The following PAAF1 variants were observed in gnomAD, a reference collection of about 807,000 sequenced individuals.
PAAF1 encodes proteasomal ATPase associated factor 1.
Under a neutral mutation model 52.8 loss-of-function variants are expected in PAAF1, and 46 were observed. The ratio of observed to expected loss-of-function variants is 0.87; its 90% CI spans 0.69 to 1.11. The LOEUF is 1.11. Ranked by LOEUF, PAAF1 falls within the 50% of genes most tolerant of loss-of-function variation. The probability of loss-of-function intolerance (pLI) is 0.00; values close to 1 mark genes in which losing one functional copy is unlikely to be tolerated. For missense variants in PAAF1, 424 were observed against 477.4 expected, an observed-to-expected ratio of 0.89 and a Z score of 1.04; for synonymous variants, 178 against 172.8, an observed-to-expected ratio of 1.03 and a Z score of -0.24.
At chr11:73,898,691 G>A (rs1949505248) in intron 4 of PAAF1, among the ~76,000 whole-genome samples, 1 of 152,110 alleles carries the variant, frequency 6.6e-6, no homozygotes, top group Non-Finnish European at 1.5e-5. Flanking sequence ...GTGTGCGCCT[G>A]TAGTCCCAGC....
chr11:73,914,620 G>GC, intron 8 of PAAF1, 116 bp downstream of exon 8: 1 of 761,260 alleles, frequency 1.3e-6, no homozygotes, highest in South Asian at 1.6e-5. Context: ...TGAGAAGGCT[G>GC]CGTGAGTAAG....
rs183064695 is a variant in PAAF1 at position 73,888,361 on chromosome 11, C to G, written c.192+904C>G. On this transcript the variant is annotated intron_variant, in intron 3 of 11. Coordinates refer to ENST00000310571, the MANE Select transcript of PAAF1 (RefSeq NM_025155.3). ...AACAATGTAGCCTTATAATCCATAT[C>G]TGGTGAGGCCTTGATGAAGAGCCTA... Among the ~76,000 whole-genome samples, 4 of 152,294 alleles carry G rather than the reference C, an allele frequency of 2.6e-5. No homozygotes were observed. In the East Asian group the frequency reaches 7.7e-4, roughly 29 times the overall value.
intron 6 of PAAF1, among the ~76,000 whole-genome samples, chr11:73,909,128 A>T (rs1949856896): frequency 6.6e-6 from 1 of 152,198 alleles, no homozygotes; most frequent in Non-Finnish European, 1.5e-5. Context: ...AAGACAAAAT[A>T]AAAAACTTGA....
chr11:73,894,295 G>A (rs1335202701), intron 4 of PAAF1, among the ~76,000 whole-genome samples: 1 of 152,160 alleles, frequency 6.6e-6, no homozygotes, highest in Non-Finnish European at 1.5e-5. Flanking sequence ...TTGAGCCCAG[G>A]AGTTTGAGAC....
chr11:73,904,948 G>A (rs1247230935), intron 6 of PAAF1, among the ~76,000 whole-genome samples: 1 of 152,056 alleles, frequency 6.6e-6, no homozygotes, highest in African/African-American at 2.4e-5. Flanking sequence ...TATCTATTTG[G>A]TTTGATATCT....
At chr11:73,911,182 A>G (rs1949919411) in intron 7 of PAAF1, among the ~76,000 whole-genome samples, 1 of 152,078 alleles carries the variant, frequency 6.6e-6, no homozygotes, top group Non-Finnish European at 1.5e-5. Flanking sequence ...GGTGTTATAT[A>G]TCCTATAGGG....
At chr11:73,876,990 G>A, upstream of PAAF1, 2 of 1,515,024 alleles carry the variant, frequency 1.3e-6, no homozygotes, top group African/African-American at 1.4e-5. Context: ...GGGAAGGGGC[G>A]GAAGAGGTGG....
chr11:73,925,832 A>T (rs1950339673), intron 11 of PAAF1, among the ~76,000 whole-genome samples: 1 of 152,232 alleles, frequency 6.6e-6, no homozygotes, highest in Non-Finnish European at 1.5e-5. Context: ...CAAACAATAC[A>T]GAATGATACA....
In PAAF1 at chr11:73,928,606, A is replaced by G. The variant is rs963246473; in HGVS notation, c.*1244A>G. The G allele has an allele frequency of 6.6e-6, 1 of 152,234 alleles. No homozygotes were observed. Among genetic ancestry groups the G allele is most frequent in the African/African-American group, 2.4e-5 (1 of 41,470 alleles). The allele number at this position is 152,234 out of a possible 1,614,324, so 9.4% of individuals were successfully genotyped here. On this transcript the variant is annotated 3_prime_UTR_variant, in exon 12 of 12. Coordinates refer to ENST00000310571, the MANE Select transcript of PAAF1 (RefSeq NM_025155.3). The stretch of plus-strand genomic sequence containing the variant: ...CCATATTATTTATATTTTTGAGATT[A>G]TTAGAGAAAAGTTTCTTGAAAGATG...
At position 73,919,176 on chromosome 11, in the gene PAAF1, C is replaced by T. The variant is rs540260241; in HGVS notation, c.1018+144C>T. ...TTGTACCTATCAATAGTGTTTATCA[C>T]TCTACGTTGTGATTGTCTGTGTCCC... On this transcript the variant is annotated intron_variant, in intron 10 of 11. Transcript: ENST00000310571. 8.8e-6 allele frequency: 6 copies of T among 681,350 alleles called. No individual in the cohort carries two copies. In the East Asian group the frequency reaches 1.4e-4, roughly 16 times the overall value. The allele number at this position is 681,350 out of a possible 1,614,324, so 42.2% of individuals were successfully genotyped here.
At chr11:73,908,317 G>A (rs537407209) in intron 6 of PAAF1, among the ~76,000 whole-genome samples, 1 of 145,004 alleles carries the variant, frequency 6.9e-6, no homozygotes, top group South Asian at 2.1e-4. Flanking sequence ...GTATATATAT[G>A]TGTATATATG....
At chr11:73,896,926 G>T (rs945141725) in intron 4 of PAAF1, among the ~76,000 whole-genome samples, 7 of 149,624 alleles carry the variant, frequency 4.7e-5, no homozygotes, top group South Asian at 2.1e-4. Context: ...CGGACGGGGG[G>T]GCTGACCCCC....
chr11:73,904,927 G>A (rs1172841905), intron 6 of PAAF1, among the ~76,000 whole-genome samples: 1 of 152,134 alleles, frequency 6.6e-6, no homozygotes, highest in Non-Finnish European at 1.5e-5. Context: ...GGTTTGTATG[G>A]TGAAGACTTG....
intron 9 of PAAF1, 44 bp downstream of exon 9, chr11:73,916,704 G>A (rs1950074377): frequency 7.1e-7 from 1 of 1,410,296 alleles, no homozygotes; most frequent in Non-Finnish European, 1.0e-6. Flanking sequence ...TCTGCAGAGT[G>A]GAAATTTTTA....
At chr11:73,903,261 G>C (rs1326026266) in intron 6 of PAAF1, among the ~76,000 whole-genome samples, 1 of 152,194 alleles carries the variant, frequency 6.6e-6, no homozygotes, top group Non-Finnish European at 1.5e-5. Flanking sequence ...CCAGGTTTGG[G>C]GTTGCCCATT....
intron 7 of PAAF1, 109 bp from the exon 8 acceptor site, chr11:73,914,304 A>G (rs1950005908): frequency 1.2e-6 from 1 of 850,272 alleles, no homozygotes; most frequent in African/African-American, 1.7e-5. Flanking sequence ...TTTCTTTGTA[A>G]TAAGTGAATC....
chr11:73,894,795 G>A (rs992489479), intron 4 of PAAF1, among the ~76,000 whole-genome samples: 3 of 152,182 alleles, frequency 2.0e-5, no homozygotes, highest in African/African-American at 7.2e-5. Flanking sequence ...CTGCACTCCA[G>A]CCTGTGTTAC....
intron 2 of PAAF1, chr11:73,886,958 C>T: frequency 2.4e-6 from 1 of 415,406 alleles, no homozygotes. Context: ...TGGCATCTCC[C>T]TTCTCTCTCT....
At chr11:73,902,358 TGA>T (rs2135181332) in intron 6 of PAAF1, among the ~76,000 whole-genome samples, 1 of 152,250 alleles carries the variant, frequency 6.6e-6, no homozygotes, top group East Asian at 1.9e-4. Flanking sequence ...CCTGAAGAAC[TGA>T]GAGATTGAAG....
Sources: gnomAD v4.1 joint callset for allele counts (sites outside exome capture counted in the v4.1 genomes callset) on GRCh38, gnomAD v4.1.1 for gene constraint, MANE v1.5 for transcripts, NCBI Gene and HGNC (gene_info 2026-07-23, HGNC 2026-07-21) for gene names.